Variants in PIR observed in about 807,000 individuals in gnomAD.
The protein encoded by PIR is pirin (iron-binding nuclear protein).
A neutral mutation model predicts 24.2 loss-of-function variants in PIR; 22 were observed. The observed-to-expected ratio is 0.91, with a 90% confidence interval of 0.65 to 1.30. The LOEUF (loss-of-function observed/expected upper bound fraction) is 1.30. PIR is among the 50% of genes most tolerant of loss of function. PIR has a pLI of 0.00. For missense variants in PIR, 220 were observed against 220.3 expected (o/e 1.00, Z 0.01); for synonymous variants, 80 against 79.6 (o/e 1.00, Z -0.03).
At position 15,399,534 on chromosome X, in the gene PIR, T is replaced by G. The variant is rs148726023; in HGVS notation, c.611-2003A>C. On this transcript the variant is annotated intron_variant, in intron 7 of 9. Coordinates refer to ENST00000380420, the MANE Select transcript of PIR (RefSeq NM_001018109.3). Reference sequence around the variant, plus strand: ...GGCATGGGTGGACTTTGATAGGAGATAAATTACATGTTTACTTTCACTAAC... The same window carrying G: ...GGCATGGGTGGACTTTGATAGGAGAGAAATTACATGTTTACTTTCACTAAC... Among the ~76,000 whole-genome samples, 781 of 111,903 alleles carry G rather than the reference T, an allele frequency of 7.0e-3. 8 individuals are homozygous for G. Among genetic ancestry groups the G allele is most frequent in the African/African-American group, 0.023 (719 of 30,783 alleles).
chrX:15,454,056 G>A (rs1028827352), intron 5 of PIR, among the ~76,000 whole-genome samples: 2 of 111,426 alleles, frequency 1.8e-5, no homozygotes, highest in Non-Finnish European at 3.8e-5. Flanking sequence ...TCAGAGTCCT[G>A]GAAACAGGGA....
chrX:15,400,677 A>T (rs1924346749), intron 7 of PIR, among the ~76,000 whole-genome samples: 4 of 110,752 alleles, frequency 3.6e-5, no homozygotes, highest in African/African-American at 1.3e-4. Context: ...TCTCTTTGCA[A>T]TCTCAGTGTT....
At chrX:15,440,618 G>A (rs1165885540) in intron 5 of PIR, among the ~76,000 whole-genome samples, 2 of 111,336 alleles carry the variant, frequency 1.8e-5, no homozygotes, top group Non-Finnish European at 3.8e-5. Flanking sequence ...TCCCATCCTT[G>A]CCAGCACTTC....
chrX:15,476,294 T>G (rs1397518575), intron 3 of PIR, among the ~76,000 whole-genome samples: 2 of 112,232 alleles, frequency 1.8e-5, no homozygotes, highest in African/African-American at 6.5e-5. Flanking sequence ...TAGTTACATT[T>G]TATACTCATG....
chrX:15,452,616 C>A (rs746043609), intron 5 of PIR, among the ~76,000 whole-genome samples: 2 of 112,296 alleles, frequency 1.8e-5, no homozygotes, highest in African/African-American at 6.5e-5. Context: ...AGTACTAGAT[C>A]ATTTGACATC....
At chrX:15,408,241 G>T (rs1924613101) in intron 6 of PIR, among the ~76,000 whole-genome samples, 1 of 111,756 alleles carries the variant, frequency 8.9e-6, no homozygotes, top group East Asian at 2.8e-4. Flanking sequence ...ACAGGTGTGA[G>T]CCACCGTACC....
intron 5 of PIR, among the ~76,000 whole-genome samples, chrX:15,430,639 T>C (rs1242189788): frequency 1.8e-5 from 2 of 111,347 alleles, no homozygotes; most frequent in Admixed American, 1.9e-4. Context: ...CCTTCCAAAC[T>C]CCAACTACCT....
At chrX:15,483,082 T>C (rs1335397590) in intron 2 of PIR, among the ~76,000 whole-genome samples, 1 of 108,756 alleles carries the variant, frequency 9.2e-6, no homozygotes, top group Non-Finnish European at 1.9e-5. Flanking sequence ...AGTATGAAAC[T>C]TTCTCATTCT....
chrX:15,487,350 G>C (rs910487488), intron 2 of PIR, among the ~76,000 whole-genome samples: 1 of 109,840 alleles, frequency 9.1e-6, no homozygotes, highest in African/African-American at 3.3e-5. Flanking sequence ...TTTTTTTCAA[G>C]TTATCTTTTA....
At position 15,490,184 on chromosome X, in the gene PIR, TTTTA is replaced by T. The variant is rs564557733; in HGVS notation, c.96+974_96+977del. 9.2e-4 allele frequency among the ~76,000 whole-genome samples: 103 copies of T among 112,052 alleles called. 3 individuals carry two copies. In the South Asian group the frequency reaches 0.029, roughly 31 times the overall value. ...TTTGTACATCATAAATATATACAAT[TTTTA>T]TTTGTCAATTTAAAACATAACTAAA... On this transcript the variant is annotated intron_variant, in intron 2 of 9. Transcript: ENST00000380420.
rs779354228 is a variant in PIR, at chrX:15,491,047, T to C, written c.96+115A>G. 1.2e-5 allele frequency: 6 copies of C among 502,971 alleles called. No individual in the cohort carries two copies. In the East Asian group the frequency reaches 1.4e-4, roughly 12 times the overall value. The allele number at this position is 502,971 out of a possible 1,213,427, so 41.5% of individuals were successfully genotyped here. A position where few individuals can be genotyped will look rare whatever the true frequency, so the allele number is the denominator to read the frequency against. On this transcript the variant is annotated intron_variant, in intron 2 of 9. Transcript: ENST00000380420. ...TTGCAAACTTTAAAGTTTGCACTTA[T>C]GCACTCCACAGGCCAGCTCACGACT...
Position 15,451,306 on chromosome X carries a change from C to A in PIR, c.480+4542G>T, listed in dbSNP as rs374182262. On this transcript the variant is annotated intron_variant, in intron 5 of 9. Coordinates refer to ENST00000380420, the MANE Select transcript of PIR (RefSeq NM_001018109.3). Reference sequence around the variant, plus strand: ...CCTGCCTGTGGACTTCCAAGGGGAACCACAAGCCTCTGAACCTTTGTTTAC... The same window carrying A: ...CCTGCCTGTGGACTTCCAAGGGGAAACACAAGCCTCTGAACCTTTGTTTAC... Among the ~76,000 whole-genome samples the A allele has an allele frequency of 1.1e-3, 116 of 110,299 alleles. No homozygotes were observed. In the South Asian group the frequency reaches 0.038, roughly 36 times the overall value.
At position 15,425,970 on chromosome X, in the gene PIR, T is replaced by C. The variant is rs769537322; in HGVS notation, c.501A>G (p.Thr167=). Residue 167 remains threonine (T), a synonymous_variant, in exon 6 of 10, where the codon ACA becomes ACG. Transcript: ENST00000380420. ...LGIKSKVYTR[T]PTLYLDFKLD... Reference sequence around the variant, plus strand: ...ATTTGAAGTCCAAATATAAGGTTGGTGTGCGAGTGTAAACCTTGGACTGAA... The same window carrying C: ...ATTTGAAGTCCAAATATAAGGTTGGCGTGCGAGTGTAAACCTTGGACTGAA... 3 of 1,186,684 alleles carry C rather than the reference T, an allele frequency of 2.5e-6. No homozygotes were observed. Among genetic ancestry groups the C allele is most frequent in the Non-Finnish European group, 3.4e-6 (3 of 872,837 alleles).
At chrX:15,484,458 G>A (rs1276367038) in intron 2 of PIR, among the ~76,000 whole-genome samples, 7 of 107,995 alleles carry the variant, frequency 6.5e-5, no homozygotes, top group Admixed American at 5.0e-4. Context: ...GGGACTACAG[G>A]TGCCAGCCAC....
At position 15,413,205 on chromosome X, in the gene PIR, A is replaced by C. The variant is rs752649581; in HGVS notation, c.566-5655T>G. On this transcript the variant is annotated intron_variant, in intron 6 of 9. Coordinates refer to ENST00000380420, the MANE Select transcript of PIR (RefSeq NM_001018109.3). ...CTTTCTTCTTTTTCCACTTTCCTTC[A>C]AATCTGTGCATGTGGAGACGTTACA... is the stretch of plus-strand genomic sequence containing the variant. Among the ~76,000 whole-genome samples, 11 of 111,509 alleles carry C rather than the reference A, an allele frequency of 9.9e-5. No homozygotes were observed. The South Asian group carries it at 4.2e-3, about 43-fold the overall frequency.
intron 5 of PIR, among the ~76,000 whole-genome samples, chrX:15,431,908 A>G (rs1925520934): frequency 9.0e-6 from 1 of 110,705 alleles, no homozygotes. Context: ...AAAAGTGCCC[A>G]TCTCATCAAA....
chrX:15,444,437 A>C (rs917474516), intron 5 of PIR, among the ~76,000 whole-genome samples: 2 of 112,345 alleles, frequency 1.8e-5, no homozygotes, highest in Non-Finnish European at 1.9e-5. Flanking sequence ...AGGAAGCAAA[A>C]AAATGTGTGA....
intron 9 of PIR, among the ~76,000 whole-genome samples, chrX:15,387,209 C>T (rs1293715236): frequency 9.5e-6 from 1 of 105,180 alleles, no homozygotes; most frequent in Non-Finnish European, 1.9e-5. Context: ...AATTCTCACA[C>T]CTCAGCCTCC....
intron 2 of PIR, among the ~76,000 whole-genome samples, chrX:15,488,031 C>T (rs1922930250): frequency 9.0e-6 from 1 of 110,884 alleles, no homozygotes; most frequent in Non-Finnish European, 1.9e-5. Flanking sequence ...GTAATCCCAG[C>T]ACTTTGGGAG....
Sources: allele counts gnomAD v4.1 joint callset (sites outside exome capture counted in the v4.1 genomes callset), GRCh38; gene constraint gnomAD v4.1.1; transcripts MANE v1.5; gene names NCBI Gene and HGNC (gene_info 2026-07-23, HGNC 2026-07-21).